PALLD: variants seen among roughly 807,000 people sequenced by gnomAD.
PALLD encodes the protein palladin.
Under a neutral mutation model 123.5 loss-of-function variants are expected in PALLD, and 61 were observed. The ratio of observed to expected loss-of-function variants is 0.49; its 90% CI spans 0.40 to 0.61. PALLD has a LOEUF of 0.61. Among genes scored for constraint, PALLD ranks in the 20% least tolerant of loss-of-function variants. The probability of loss-of-function intolerance (pLI) is 0.00; values close to 1 mark genes in which losing one functional copy is unlikely to be tolerated. For missense variants in PALLD, 1,273 were observed against 1,377.0 expected, an observed-to-expected ratio of 0.92 and a Z score of 1.20; for synonymous variants, 465 against 496.4, an observed-to-expected ratio of 0.94 and a Z score of 0.84.
At chr4:168,548,486 A>G (rs1766399130) in intron 2 of PALLD, among the ~76,000 whole-genome samples, 1 of 152,208 alleles carries the variant, frequency 6.6e-6, no homozygotes. Context: ...AGTTCTTCCC[A>G]ATGACTAGTT....
chr4:168,875,075 A>T (rs1751561346), intron 10 of PALLD, among the ~76,000 whole-genome samples: 1 of 151,972 alleles, frequency 6.6e-6, no homozygotes, highest in African/African-American at 2.4e-5. Flanking sequence ...TATTTCCAAA[A>T]TACTATGGAA....
At chr4:168,685,675 A>G (rs1781957754) in intron 6 of PALLD, 116 bp downstream of exon 6, 3 of 777,550 alleles carry the variant, frequency 3.9e-6, no homozygotes, top group Admixed American at 3.5e-5. Flanking sequence ...TAGGCTGATT[A>G]CCATGGTTAC....
Position 168,512,247 on chromosome 4 carries a change from A to T in PALLD, c.743A>T (p.Asp248Val), listed in dbSNP as rs767769054. 2 of 1,614,146 alleles carry T rather than the reference A, an allele frequency of 1.2e-6. No individual in the cohort carries two copies. Among genetic ancestry groups the T allele is most frequent in the Non-Finnish European group, 1.7e-6 (2 of 1,180,016 alleles). The change falls in exon 2 of 22, where the codon GAC becomes GTC. Residue 248 changes from aspartate to valine, a missense_variant. This residue lies in a region of PALLD where 944 missense variants were observed against 954.5 expected (regional missense o/e 0.99). Coordinates refer to ENST00000505667, the MANE Select transcript of PALLD (RefSeq NM_001166108.2). Reference sequence around the variant, plus strand: ...AGGCATTGCTACCAGGACAACCAGGACTTGGCAGTGCCACACAACCGCAAG... The same window carrying T: ...AGGCATTGCTACCAGGACAACCAGGTCTTGGCAGTGCCACACAACCGCAAG... ...GARHCYQDNQ[D>V]LAVPHNRKSH...
chr4:168,744,180 C>T (rs543335579), intron 10 of PALLD, among the ~76,000 whole-genome samples: 25 of 143,416 alleles, frequency 1.7e-4, no homozygotes, highest in African/African-American at 6.3e-4. Context: ...GAGGAGAGAG[C>T]CTAACCTCTG....
chr4:168,574,408 C>T (rs1195032311), intron 2 of PALLD, among the ~76,000 whole-genome samples: 2 of 152,142 alleles, frequency 1.3e-5, no homozygotes, highest in African/African-American at 4.8e-5. Flanking sequence ...TAGCTTCTTA[C>T]TTGTCTTCTT....
At chr4:168,742,427 A>C (rs759082235) in intron 10 of PALLD, among the ~76,000 whole-genome samples, 3 of 152,194 alleles carry the variant, frequency 2.0e-5, no homozygotes, top group Non-Finnish European at 4.4e-5. Flanking sequence ...CACTGAGAGG[A>C]GAAGACTGTG....
In PALLD at chr4:168,557,613, T is replaced by C. The variant is rs773992464; in HGVS notation, c.908+45201T>C. The stretch of plus-strand genomic sequence containing the variant: ...CCCCTACCCCTTTAAACTTATTCCA[T>C]TGGACTGCAGTAATCTTCCTGTGTC... On this transcript the variant is annotated intron_variant, in intron 2 of 21. Coordinates refer to ENST00000505667, the MANE Select transcript of PALLD (RefSeq NM_001166108.2). Among the ~76,000 whole-genome samples, 14 of 152,296 alleles carry C rather than the reference T, an allele frequency of 9.2e-5. No homozygotes were observed. The East Asian group carries it at 1.7e-3, about 19-fold the overall frequency.
chr4:168,580,451 C>T (rs933033442), intron 2 of PALLD, among the ~76,000 whole-genome samples: 3 of 151,882 alleles, frequency 2.0e-5, no homozygotes, highest in Non-Finnish European at 2.9e-5. Context: ...GTCAGAATGG[C>T]TACTATAACA....
chr4:168,788,020 A>C lies in PALLD; in HGVS notation c.1964+76097A>C, dbSNP rs1433620304. Among the ~76,000 whole-genome samples, 4 of 152,256 alleles carry C rather than the reference A, an allele frequency of 2.6e-5. No homozygotes were observed. The East Asian group carries it at 7.7e-4, about 29-fold the overall frequency. On this transcript the variant is annotated intron_variant, in intron 10 of 21. Transcript: ENST00000505667. Reference sequence around the variant, plus strand: ...CATTGGCGTTAAGTTGTTAAACTGTAACTAATCTGGCATCTTTGTTACGTA... The same window carrying C: ...CATTGGCGTTAAGTTGTTAAACTGTCACTAATCTGGCATCTTTGTTACGTA...
At chr4:168,837,055 G>A (rs1422679478) in intron 10 of PALLD, among the ~76,000 whole-genome samples, 1 of 152,124 alleles carries the variant, frequency 6.6e-6, no homozygotes, top group East Asian at 1.9e-4. Context: ...GGAAAATAAA[G>A]GTACACAGAG....
At chr4:168,863,901 A>G (rs973743034) in intron 10 of PALLD, 4 of 152,222 alleles carry the variant, frequency 2.6e-5, no homozygotes, top group African/African-American at 9.6e-5. Context: ...TCCTGGTATG[A>G]ACTCCTTGTG....
chr4:168,875,395 T>C (rs1200848248), intron 10 of PALLD, among the ~76,000 whole-genome samples: 1 of 152,190 alleles, frequency 6.6e-6, no homozygotes, highest in Non-Finnish European at 1.5e-5. Flanking sequence ...GTGCATTTCA[T>C]CACATCACAG....
intron 10 of PALLD, chr4:168,832,199 T>C (rs1189759571): frequency 1.0e-6 from 1 of 985,210 alleles, no homozygotes; most frequent in Non-Finnish European, 1.2e-6. Flanking sequence ...GCCCTGAGGC[T>C]GGTGGAAGAA....
chr4:168,712,109 A>G, intron 10 of PALLD, 186 bp downstream of exon 10: 1 of 631,096 alleles, frequency 1.6e-6, no homozygotes, highest in Non-Finnish European at 2.8e-6. Flanking sequence ...GGAAATGAAA[A>G]GCTTGGTGAA....
intron 2 of PALLD, among the ~76,000 whole-genome samples, chr4:168,623,796 G>A (rs1774990291): frequency 6.6e-6 from 1 of 152,130 alleles, no homozygotes; most frequent in Non-Finnish European, 1.5e-5. Flanking sequence ...AACTCAAAAT[G>A]AGGCTACAGC....
At chr4:168,772,717 T>A (rs764784298) in intron 10 of PALLD, among the ~76,000 whole-genome samples, 1 of 152,152 alleles carries the variant, frequency 6.6e-6, no homozygotes, top group East Asian at 1.9e-4. Context: ...AAAACACGCA[T>A]CCCATTCATC....
At chr4:168,528,751 A>T (rs946233175) in intron 2 of PALLD, among the ~76,000 whole-genome samples, 1 of 152,234 alleles carries the variant, frequency 6.6e-6, no homozygotes, top group African/African-American at 2.4e-5. Flanking sequence ...TTAATGGTAC[A>T]TAACAAACCA....
At chr4:168,814,041 G>T (rs898277468) in intron 10 of PALLD, among the ~76,000 whole-genome samples, 4 of 152,162 alleles carry the variant, frequency 2.6e-5, no homozygotes, top group Admixed American at 1.3e-4. Context: ...GATAGAGACA[G>T]TGTGGGATGA....
At chr4:168,599,881 C>G (rs1283619704) in intron 2 of PALLD, among the ~76,000 whole-genome samples, 2 of 148,002 alleles carry the variant, frequency 1.4e-5, no homozygotes, top group African/African-American at 5.2e-5. Context: ...TAGTTTAAAA[C>G]AGTGCATGTG....
Sources: allele counts gnomAD v4.1 joint callset (sites outside exome capture counted in the v4.1 genomes callset), GRCh38; gene constraint gnomAD v4.1.1; regional missense constraint gnomAD v4.1.1; transcripts MANE v1.5; gene names NCBI Gene and HGNC (gene_info 2026-07-23, HGNC 2026-07-21).